MMP26: variants seen among roughly 807,000 people sequenced by gnomAD.
MMP26 encodes the protein matrix metallopeptidase 26, also known as matrix metalloproteinase-26.
In MMP26, 33 loss-of-function variants were observed where a neutral mutation model predicts 31.0. The observed-to-expected ratio is 1.06, with a 90% CI of 0.81 to 1.42. MMP26 has a LOEUF of 1.42. Ranked by LOEUF, MMP26 falls within the 40% of genes most tolerant of loss-of-function variation. The pLI is 0.00. For synonymous variants in MMP26, 122 were observed against 114.9 expected (o/e 1.06, Z -0.40); for missense variants, 347 against 316.1 (o/e 1.10, Z -0.74).
chr11:4,821,966 A>G (rs1267958102), intron 2 of MMP26: 1 of 1,614,016 alleles, frequency 6.2e-7, no homozygotes, highest in Non-Finnish European at 8.5e-7. Context: ...TCTTACTGCT[A>G]CCATGTTGAT....
At chr11:4,911,020 T>C (rs1224532513) in intron 2 of MMP26, among the ~76,000 whole-genome samples, 1 of 152,188 alleles carries the variant, frequency 6.6e-6, no homozygotes, top group Non-Finnish European at 1.5e-5. Flanking sequence ...GAAATGTAAC[T>C]GTCTTCTCTG....
At chr11:4,822,175 A>G (rs1775990882) in intron 2 of MMP26, 4 of 1,608,780 alleles carry the variant, frequency 2.5e-6, no homozygotes, top group Admixed American at 3.4e-5. Flanking sequence ...TGCTGTTTCC[A>G]TCTTCTACCT....
At chr11:4,931,792 TAGAA>T (rs1221313982) in intron 2 of MMP26, among the ~76,000 whole-genome samples, 1 of 151,884 alleles carries the variant, frequency 6.6e-6, no homozygotes, top group Non-Finnish European at 1.5e-5. Flanking sequence ...GCATTTTTCT[TAGAA>T]AGGAGAATGC....
In MMP26 at chr11:4,909,861, T is replaced by C. The variant is rs571670144; in HGVS notation, c.-144-78207T>C. The stretch of plus-strand genomic sequence containing the variant: ...TTTTCCATCATTCAGTACCTGCTTT[T>C]CTCTACTGCATTCTTTGTCAACATT... On this transcript the variant is annotated intron_variant, in intron 2 of 7. Transcript: ENST00000380390. 6.6e-5 allele frequency among the ~76,000 whole-genome samples: 10 copies of C among 152,264 alleles called. No individual in the cohort carries two copies. In the East Asian group the frequency reaches 1.7e-3, roughly 26 times the overall value.
At chr11:4,870,956 G>T (rs1850303212) in intron 2 of MMP26, among the ~76,000 whole-genome samples, 1 of 151,924 alleles carries the variant, frequency 6.6e-6, no homozygotes, top group African/African-American at 2.4e-5. Flanking sequence ...GAGGAAAAAA[G>T]ATCAAATAAA....
intron 2 of MMP26, among the ~76,000 whole-genome samples, chr11:4,840,022 T>G (rs1849772682): frequency 1.3e-5 from 2 of 152,044 alleles, no homozygotes; most frequent in African/African-American, 4.8e-5. Context: ...TACAGGAACA[T>G]CTGTGGTTTT....
chr11:4,939,753 C>T (rs1846182366), intron 2 of MMP26, among the ~76,000 whole-genome samples: 1 of 152,010 alleles, frequency 6.6e-6, no homozygotes, highest in African/African-American at 2.4e-5. Flanking sequence ...AAATTTCTAT[C>T]CCAGGACCTT....
intron 2 of MMP26, among the ~76,000 whole-genome samples, chr11:4,892,461 T>C (rs1470928464): frequency 6.6e-6 from 1 of 152,164 alleles, no homozygotes; most frequent in Non-Finnish European, 1.5e-5. Flanking sequence ...TGTCCTGTGA[T>C]TTGCTATTTA....
intron 2 of MMP26, among the ~76,000 whole-genome samples, chr11:4,778,370 C>A (rs1490141607): frequency 6.6e-6 from 1 of 151,934 alleles, no homozygotes; most frequent in Non-Finnish European, 1.5e-5. Flanking sequence ...TCCAATAGAT[C>A]TGGTATTCGT....
At chr11:4,952,895 AT>A (rs921861467) in intron 2 of MMP26, among the ~76,000 whole-genome samples, 1 of 124,142 alleles carries the variant, frequency 8.1e-6, no homozygotes, top group African/African-American at 2.7e-5. Context: ...TGGGCTGATT[AT>A]TTTTTTTAAG....
intron 2 of MMP26, among the ~76,000 whole-genome samples, chr11:4,957,426 G>C (rs1238049939): frequency 6.6e-6 from 1 of 152,142 alleles, no homozygotes; most frequent in African/African-American, 2.4e-5. Context: ...TCATCATAAT[G>C]CCTTATTCTT....
intron 2 of MMP26, chr11:4,914,570 AGTGAG>A: frequency 1.6e-6 from 1 of 614,822 alleles, no homozygotes; most frequent in East Asian, 2.8e-5. Flanking sequence ...GCCACAACAG[AGTGAG>A]GGTTCTGTAA....
At chr11:4,980,110 T>G (rs1307625316) in intron 2 of MMP26, among the ~76,000 whole-genome samples, 1 of 152,076 alleles carries the variant, frequency 6.6e-6, no homozygotes, top group Admixed American at 6.6e-5. Flanking sequence ...TATTGCCCAG[T>G]AGAATAATCC....
intron 1 of MMP26, chr11:4,723,696 C>A: frequency 2.1e-6 from 2 of 962,162 alleles, no homozygotes; most frequent in Non-Finnish European, 1.7e-6. Context: ...TGCCAAGCTT[C>A]AGCTTCTCCT....
chr11:4,875,427 T>C (rs141369504), intron 2 of MMP26: 1 of 152,126 alleles, frequency 6.6e-6, no homozygotes, highest in African/African-American at 2.4e-5. Flanking sequence ...AGATCAGAAG[T>C]CCAAATTGGG....
intron 2 of MMP26, among the ~76,000 whole-genome samples, chr11:4,983,422 G>T (rs1451331198): frequency 6.6e-6 from 1 of 152,146 alleles, no homozygotes; most frequent in African/African-American, 2.4e-5. Flanking sequence ...ATTTTCCAAT[G>T]CCCCACAAAC....
At chr11:4,825,259 A>G (rs1849564287) in intron 2 of MMP26, among the ~76,000 whole-genome samples, 1 of 152,170 alleles carries the variant, frequency 6.6e-6, no homozygotes, top group African/African-American at 2.4e-5. Flanking sequence ...TCAAATGTCA[A>G]CATTCCAGGA....
intron 2 of MMP26, among the ~76,000 whole-genome samples, chr11:4,824,396 TAC>T (rs1405043184): frequency 2.0e-5 from 3 of 152,112 alleles, no homozygotes; most frequent in Non-Finnish European, 4.4e-5. Flanking sequence ...ATAAAAATTA[TAC>T]ACACTTATAC....
At chr11:4,862,290 A>G (rs906899266) in intron 2 of MMP26, among the ~76,000 whole-genome samples, 16 of 152,338 alleles carry the variant, frequency 1.1e-4, no homozygotes, top group Middle Eastern at 3.4e-3. Context: ...ACTAGAAGTT[A>G]AAACTTCCTG....
Sources: allele counts gnomAD v4.1 joint callset (sites outside exome capture counted in the v4.1 genomes callset), GRCh38; gene constraint gnomAD v4.1.1; transcripts MANE v1.5; gene names NCBI Gene and HGNC (gene_info 2026-07-23, HGNC 2026-07-21).